CSMD2: variants seen among roughly 807,000 people sequenced by gnomAD.
The protein encoded by CSMD2 is CUB and Sushi multiple domains 2.
In CSMD2, 130 loss-of-function variants were observed where a neutral mutation model predicts 398.5. That is an observed-to-expected ratio of 0.33 (90% CI 0.28 to 0.38). CSMD2 has a LOEUF of 0.38. Ranked by LOEUF, CSMD2 falls within the 10% of genes least tolerant of loss-of-function variation. The probability of loss-of-function intolerance (pLI) is 1.00; values close to 1 mark genes in which losing one functional copy is unlikely to be tolerated. For missense variants in CSMD2, 3,829 were observed against 4,764.9 expected, an observed-to-expected ratio of 0.80 and a Z score of 5.78; for synonymous variants, 1,828 against 1,908.5, an observed-to-expected ratio of 0.96 and a Z score of 1.10.
At chr1:33,787,696 G>A (rs565656719) in intron 12 of CSMD2, among the ~76,000 whole-genome samples, 4 of 152,168 alleles carry the variant, frequency 2.6e-5, no homozygotes, top group Non-Finnish European at 5.9e-5. Context: ...CCTAAGAGGG[G>A]CTTAACAGTA....
At chr1:33,750,121 C>T (rs1388704472) in intron 13 of CSMD2, among the ~76,000 whole-genome samples, 1 of 151,982 alleles carries the variant, frequency 6.6e-6, no homozygotes, top group Non-Finnish European at 1.5e-5. Context: ...AATGGAGAGG[C>T]AAACTATGTT....
rs1436510177 is a variant in CSMD2, at chr1:33,571,591, A to C, written c.7898T>G (p.Val2633Gly). The change falls in exon 51 of 71, where the codon GTC becomes GGC. Residue 2633 changes from valine (V) to glycine (G), a missense_variant. By Grantham distance (109) the Val-to-Gly change is moderately radical. Around this residue, in one of 5 missense-constraint regions of CSMD2, gnomAD observed 723 missense variants for 758.6 expected, o/e 0.95. Coordinates refer to ENST00000373381, the MANE Select transcript of CSMD2 (RefSeq NM_001281956.2). ...TTTGCCATTGGCCTGACAGCGGATG[A>C]CCCTTTGGCCAGTATAGTAGTAGCC... ...DPGYYYTGQR[V>G]IRCQANGKWS... 6.4e-7 allele frequency: 1 copy of C among 1,550,510 alleles called. No individual in the cohort carries two copies. Among genetic ancestry groups the C allele is most frequent in the Admixed American group, 1.7e-5 (1 of 57,738 alleles).
chr1:33,810,763 T>A lies in CSMD2; in HGVS notation c.1426A>T (p.Thr476Ser). The A allele has an allele frequency of 6.2e-7, 1 of 1,613,298 alleles. No individual in the cohort carries two copies. The highest frequency in any genetic ancestry group is 2.2e-5 in the East Asian group (1 of 44,790). Residue 476 changes from threonine to serine, a missense_variant, in exon 10 of 71, where the codon ACA (threonine) becomes TCA (serine). This residue lies in a region of CSMD2 where 2,001 missense variants were observed against 2,567.1 expected (regional missense o/e 0.78). Coordinates refer to ENST00000373381, the MANE Select transcript of CSMD2 (RefSeq NM_001281956.2). ...DNNAHCVWII[T>S]ALNPSKVIKL... is the part of the protein sequence containing the mutation. ...CTTACCTTGGAGGGGTTGAGTGCTGTGATGATCCACACACAGTGTGCATTG... is the reference window on the plus strand; with the variant it reads ...CTTACCTTGGAGGGGTTGAGTGCTGAGATGATCCACACACAGTGTGCATTG...
chr1:33,776,578 A>G (rs1455125714), intron 12 of CSMD2, among the ~76,000 whole-genome samples: 1 of 151,944 alleles, frequency 6.6e-6, no homozygotes, highest in African/African-American at 2.4e-5. Flanking sequence ...GGTGCAGATG[A>G]CTCATTTGTA....
chr1:33,595,770 C>T (rs1639797333), intron 44 of CSMD2, among the ~76,000 whole-genome samples: 1 of 152,154 alleles, frequency 6.6e-6, no homozygotes, highest in Non-Finnish European at 1.5e-5. Context: ...CTTTCTCTGC[C>T]CCAGGCTTGG....
Position 33,724,567 on chromosome 1 carries a change from G to C in CSMD2, c.2833C>G (p.Leu945Val). ...SGYTLSDGEP[L>V]ECEPNFQWSR... ...CACTGGAAGTTGGGCTCACACTCCA[G>C]AGGCTCCCCGTCACTTAATGTGTAG... Residue 945 changes from leucine to valine, a missense_variant, in exon 18 of 71, where the codon CTG becomes GTG. Physicochemically the swap from Leu to Val is conservative, Grantham distance 32. Coordinates refer to ENST00000373381, the MANE Select transcript of CSMD2 (RefSeq NM_001281956.2). 6.2e-7 allele frequency: 1 copy of C among 1,614,196 alleles called. No individual in the cohort carries two copies. The highest frequency in any genetic ancestry group is 8.5e-7 in the Non-Finnish European group (1 of 1,180,034).
At chr1:33,554,051 T>C (rs1657720286) in intron 55 of CSMD2, among the ~76,000 whole-genome samples, 1 of 152,118 alleles carries the variant, frequency 6.6e-6, no homozygotes, top group Admixed American at 6.6e-5. Flanking sequence ...AGGCCATTTC[T>C]ATAACATAAA....
At chr1:34,093,876 G>C (rs1658952911) in intron 1 of CSMD2, among the ~76,000 whole-genome samples, 1 of 152,010 alleles carries the variant, frequency 6.6e-6, no homozygotes, top group Non-Finnish European at 1.5e-5. Flanking sequence ...TAGCAAGGCA[G>C]GCCAACGTTC....
At chr1:33,794,658 G>T (rs1654726112) in intron 10 of CSMD2, among the ~76,000 whole-genome samples, 1 of 152,212 alleles carries the variant, frequency 6.6e-6, no homozygotes, top group Admixed American at 6.5e-5. Context: ...TTATGGAAGG[G>T]TTGGCAGTAA....
intron 3 of CSMD2, among the ~76,000 whole-genome samples, chr1:33,999,289 A>G (rs499854): frequency 0.17 from 26,508 of 152,148 alleles, 4,208 homozygotes; most frequent in East Asian, 0.4. Flanking sequence ...GAGATGAACA[A>G]AGAGGCAGGG....
chr1:33,937,859 T>G (rs1644528074), intron 3 of CSMD2, among the ~76,000 whole-genome samples: 1 of 152,212 alleles, frequency 6.6e-6, no homozygotes, highest in Admixed American at 6.5e-5. Flanking sequence ...ACATAGTAGG[T>G]GCTCACAAAA....
chr1:33,762,998 C>T lies in CSMD2; in HGVS notation c.1846+9571G>A, dbSNP rs541119367. 5.3e-5 allele frequency among the ~76,000 whole-genome samples: 8 copies of T among 152,322 alleles called. No homozygotes were observed. In the East Asian group the frequency reaches 1.2e-3, roughly 22 times the overall value. Reference sequence around the variant, plus strand: ...TACCAACATGGAGGTCAACATCCCACGGACCCTGGGAGACTACAATCATCC... The same window carrying T: ...TACCAACATGGAGGTCAACATCCCATGGACCCTGGGAGACTACAATCATCC... On this transcript the variant is annotated intron_variant, in intron 13 of 70. Transcript: ENST00000373381.
At chr1:34,149,800 C>A (rs1640121838) in intron 1 of CSMD2, among the ~76,000 whole-genome samples, 1 of 152,168 alleles carries the variant, frequency 6.6e-6, no homozygotes, top group Admixed American at 6.5e-5. Context: ...CCTTATGGCA[C>A]CAGCACCAGG....
At chr1:33,881,607 A>G (rs538827765) in intron 5 of CSMD2, among the ~76,000 whole-genome samples, 2 of 152,290 alleles carry the variant, frequency 1.3e-5, no homozygotes, top group African/African-American at 4.8e-5. Flanking sequence ...GTGACAGAAA[A>G]TGAAGGAGCT....
chr1:33,663,003 T>A lies in CSMD2; in HGVS notation c.4142A>T (p.Glu1381Val). 1 of 1,614,096 alleles carries A rather than the reference T, an allele frequency of 6.2e-7. No homozygotes were observed. The highest frequency in any genetic ancestry group is 8.5e-7 in the Non-Finnish European group (1 of 1,179,982). ...GPVESGVLLKELSGPALPKDL... is the reference protein window; with the variant it reads ...GPVESGVLLKVLSGPALPKDL... ...CTTGGGCAGGGCCGGGCCACTCAGC[T>A]CCTTCAGCAGAACCCCGCTCTCCAC... Residue 1381 changes from glutamate (E) to valine (V), a missense_variant, in exon 26 of 71, where the codon GAG becomes GTG. Glu to Val is a moderately radical substitution (Grantham distance 121). This residue lies in a region of CSMD2 where 2,001 missense variants were observed against 2,567.1 expected (regional missense o/e 0.78). Coordinates refer to ENST00000373381, the MANE Select transcript of CSMD2 (RefSeq NM_001281956.2).
At chr1:33,595,567 A>G (rs901672764) in intron 44 of CSMD2, among the ~76,000 whole-genome samples, 5 of 152,216 alleles carry the variant, frequency 3.3e-5, no homozygotes, top group African/African-American at 1.2e-4. Context: ...GCGTGGATAT[A>G]CATAGTGTTC....
At chr1:33,880,374 T>C (rs998742306) in intron 5 of CSMD2, among the ~76,000 whole-genome samples, 1 of 151,752 alleles carries the variant, frequency 6.6e-6, no homozygotes, top group Admixed American at 6.6e-5. Context: ...TTTTAATACA[T>C]TCAAACTTTC....
In CSMD2 at chr1:33,614,612, C is replaced by G; in HGVS notation, c.6025G>C (p.Gly2009Arg). ...YPPPLCIAQC[G>R]GTVEEMEGVI... ...CCCTCCATCTCCTCCACTGTTCCCC[C>G]ACACTGTGCTGTGACAATGAGATGA... Residue 2009 changes from glycine to arginine, a missense_variant, in exon 40 of 71, where the codon GGG becomes CGG. Around this residue, in one of 5 missense-constraint regions of CSMD2, gnomAD observed 2,001 missense variants for 2,567.1 expected, o/e 0.78. Coordinates refer to ENST00000373381, the MANE Select transcript of CSMD2 (RefSeq NM_001281956.2). 6.3e-7 allele frequency: 1 copy of G among 1,598,524 alleles called. No individual in the cohort carries two copies. Among genetic ancestry groups the G allele is most frequent in the Non-Finnish European group, 8.6e-7 (1 of 1,166,120 alleles).
intron 13 of CSMD2, among the ~76,000 whole-genome samples, chr1:33,761,400 G>C (rs1432176354): frequency 2.6e-5 from 4 of 152,200 alleles, no homozygotes; most frequent in Non-Finnish European, 5.9e-5. Context: ...TGGTCTCTAT[G>C]CCCAGCTAAG....
Sources: allele counts gnomAD v4.1 joint callset (sites outside exome capture counted in the v4.1 genomes callset), GRCh38; gene constraint gnomAD v4.1.1; regional missense constraint gnomAD v4.1.1; transcripts MANE v1.5; gene names NCBI Gene and HGNC (gene_info 2026-07-23, HGNC 2026-07-21).